The following ZNF70 variants were observed in gnomAD, a reference collection of about 807,000 sequenced individuals.
ZNF70 encodes zinc finger protein N27C7-1.
A neutral mutation model predicts 37.7 loss-of-function variants in ZNF70; 18 were observed. That is an observed-to-expected ratio of 0.48 (90% CI 0.33 to 0.71). The LOEUF is 0.71. ZNF70 is among the 30% of genes least tolerant of loss of function. The pLI, the probability that ZNF70 is intolerant of heterozygous loss-of-function variation, is 0.02. For synonymous variants in ZNF70, 219 were observed against 220.1 expected (o/e 0.99, Z 0.05); for missense variants, 506 against 568.6 (o/e 0.89, Z 1.12).
At chr22:23,748,546 A>ATTT (rs36067984) in intron 1 of ZNF70, among the ~76,000 whole-genome samples, 2 of 142,050 alleles carry the variant, frequency 1.4e-5, no homozygotes, top group East Asian at 2.1e-4. Flanking sequence ...AGCAGAAATG[A>ATTT]TTTTTTTTTT....
rs769770478 is a variant in ZNF70 at position 23,744,296 on chromosome 22, C to A, written c.845G>T (p.Cys282Phe). The stretch of plus-strand genomic sequence containing the variant: ...ACAAAAGGCTTTCCCACAGAGATCG[C>A]ACTCGTGAGGTTTCTTTAGGGTGTG... ...KIHTLKKPHE[C>F]DLCGKAFCHR... Residue 282 changes from cysteine (C) to phenylalanine (F), a missense_variant, in exon 2 of 2, where the codon TGC becomes TTC. Cys to Phe is a radical substitution (Grantham distance 205, BLOSUM62 -2). Transcript: ENST00000341976. The A allele has an allele frequency of 6.2e-7, 1 of 1,614,068 alleles. No homozygotes were observed. The highest frequency in any genetic ancestry group is 8.5e-7 in the Non-Finnish European group (1 of 1,180,008).
chr22:23,739,968 C>T lies in ZNF70; in HGVS notation c.*3832G>A, dbSNP rs142328137. On this transcript the variant is annotated 3_prime_UTR_variant, in exon 2 of 2. Transcript: ENST00000341976. ...CTTAATACTATAACAAAAAACACCA[C>T]GTCAAAACTTACGGAGTGCAGACAA... is the stretch of plus-strand genomic sequence containing the variant. The T allele has an allele frequency of 5.5e-4, 84 of 151,846 alleles. No homozygotes were observed. The highest frequency in any genetic ancestry group is 1.9e-3 in the African/African-American group (77 of 41,410). The allele number at this position is 151,846 out of a possible 1,614,324, so 9.4% of individuals were successfully genotyped here. A position where few individuals can be genotyped will look rare whatever the true frequency, so the allele number is the denominator to read the frequency against.
intron 1 of ZNF70, among the ~76,000 whole-genome samples, chr22:23,748,436 ATAT>A (rs1925205525): frequency 6.6e-6 from 1 of 152,052 alleles, no homozygotes; most frequent in African/African-American, 2.4e-5. Flanking sequence ...AGATGAGATA[ATAT>A]TATGTTGCCC....
rs1270457593 is a variant in ZNF70, at chr22:23,745,000, G to A, written c.141C>T (p.Ile47=). 4 of 1,614,006 alleles carry A rather than the reference G, an allele frequency of 2.5e-6. No individual in the cohort carries two copies. Among genetic ancestry groups the A allele is most frequent in the Non-Finnish European group, 3.4e-6 (4 of 1,180,032 alleles). ...QERGLEQMAV[I]YKEIPLGEQD... ...GCTCACCAAGAGGGATCTCCTTGTA[G>A]ATCACAGCCATTTGCTCCAAACCTC... The change falls in exon 2 of 2, where the codon ATC becomes ATT. Residue 47 remains isoleucine (I), a synonymous_variant. Transcript: ENST00000341976.
In ZNF70 at chr22:23,744,283, C is replaced by T. The variant is rs1925008609; in HGVS notation, c.858G>A (p.Gly286=). The T allele has an allele frequency of 6.2e-7, 1 of 1,613,886 alleles. No individual in the cohort carries two copies. The highest frequency in any genetic ancestry group is 8.5e-7 in the Non-Finnish European group (1 of 1,179,984). ...LKKPHECDLC[G]KAFCHRSHLI... is the part of the protein sequence containing the mutation. ...GGTGTGACCTGTGACAAAAGGCTTT[C>T]CCACAGAGATCGCACTCGTGAGGTT... is the stretch of plus-strand genomic sequence containing the variant. Residue 286 remains glycine (G), a synonymous_variant, in exon 2 of 2, where the codon GGG becomes GGA. Transcript: ENST00000341976.
Position 23,744,251 on chromosome 22 carries a change from C to T in ZNF70, c.890G>A (p.Arg297Gln), listed in dbSNP as rs201324895. ...KAFCHRSHLI[R>Q]HQRIHTGKKP... ...CTTCCCAGTGTGGATCCGCTGGTGT[C>T]GGATGAGGTGTGACCTGTGACAAAA... The change falls in exon 2 of 2, where the codon CGA becomes CAA. Residue 297 changes from arginine (R) to glutamine (Q), a missense_variant. Transcript: ENST00000341976. 2.1e-5 allele frequency: 34 copies of T among 1,612,716 alleles called. No homozygotes were observed. Among genetic ancestry groups the T allele is most frequent in the Non-Finnish European group, 2.9e-5 (34 of 1,179,682 alleles).
chr22:23,744,901 G>C lies in ZNF70; in HGVS notation c.240C>G (p.Pro80=), dbSNP rs1487453822. The C allele has an allele frequency of 1.9e-6, 3 of 1,614,204 alleles. No individual in the cohort carries two copies. Among genetic ancestry groups the C allele is most frequent in the South Asian group, 1.1e-5 (1 of 91,080 alleles). The part of the protein sequence containing the change: ...CSSPVQHQSI[P]PGTRPQDDEL... Reference sequence around the variant, plus strand: ...CATCATCCTGGGGTCTGGTTCCTGGGGGGATACTTTGATGCTGAACAGGGC... The same window carrying C: ...CATCATCCTGGGGTCTGGTTCCTGGCGGGATACTTTGATGCTGAACAGGGC... The change falls in exon 2 of 2, where the codon CCC becomes CCG. Residue 80 remains proline, a synonymous_variant. Transcript: ENST00000341976.
intron 1 of ZNF70, among the ~76,000 whole-genome samples, chr22:23,748,481 T>C (rs1925207283): frequency 1.3e-5 from 2 of 151,860 alleles, no homozygotes; most frequent in Admixed American, 1.3e-4. Flanking sequence ...GCTCAAGCAG[T>C]CCTCCCACCT....
At position 23,745,093 on chromosome 22, in the gene ZNF70, C is replaced by T; in HGVS notation, c.48G>A (p.Glu16=). 6.2e-7 allele frequency: 1 copy of T among 1,614,172 alleles called. No homozygotes were observed. ...ATKFGETFAF[E]NRLESQQGLF... ...GCCCTTGTTGTGACTCTAACCTGTT[C>T]TCAAATGCAAAGGTCTCACCAAACT... is the stretch of plus-strand genomic sequence containing the variant. The change falls in exon 2 of 2, where the codon GAG becomes GAA. Residue 16 remains glutamate (E), a synonymous_variant. Transcript: ENST00000341976.
At chr22:23,749,367 A>T (rs1925244552) in intron 1 of ZNF70, among the ~76,000 whole-genome samples, 2 of 136,500 alleles carry the variant, frequency 1.5e-5, no homozygotes, top group Admixed American at 1.5e-4. Context: ...AAAAAAAAAA[A>T]AAAAAAAAAA....
rs202233237 is a variant in ZNF70 at position 23,744,714 on chromosome 22, G to T, written c.427C>A (p.Arg143=). 9 of 1,614,098 alleles carry T rather than the reference G, an allele frequency of 5.6e-6. No individual in the cohort carries two copies. The highest frequency in any genetic ancestry group is 4.2e-6 in the Non-Finnish European group (5 of 1,180,054). ...TPQPAKPYAC[R]ECGKAFSQSS... ...TGGCTGAAGGCCTTCCCACACTCTC[G>T]ACACGCATAGGGCTTGGCTGGTTGT... The change falls in exon 2 of 2, where the codon CGA becomes AGA. Residue 143 remains arginine (R), a synonymous_variant. Coordinates refer to ENST00000341976, the MANE Select transcript of ZNF70 (RefSeq NM_021916.4).
At chr22:23,749,348 CAAAAAAAAAAAAA>C (rs757866335) in intron 1 of ZNF70, among the ~76,000 whole-genome samples, 6 of 14,352 alleles carry the variant, frequency 4.2e-4, no homozygotes, top group African/African-American at 7.5e-4. Context: ...GACTCCATCT[CAAAAAAAAAAAAA>C]AAAAAAAAAA....
At chr22:23,748,614 G>A (rs185625457) in intron 1 of ZNF70, among the ~76,000 whole-genome samples, 104 of 149,612 alleles carry the variant, frequency 7.0e-4, no homozygotes, top group Admixed American at 1.2e-3. Context: ...GCCCAATCTC[G>A]GCTCACTGCA....
Position 23,739,604 on chromosome 22 carries a change from T to C in ZNF70, c.*4196A>G, listed in dbSNP as rs1924815446. The C allele has an allele frequency of 6.7e-6, 1 of 150,244 alleles. No individual in the cohort carries two copies. Among genetic ancestry groups the C allele is most frequent in the South Asian group, 2.1e-4 (1 of 4,728 alleles). The allele number at this position is 150,244 out of a possible 1,614,324, so 9.3% of individuals were successfully genotyped here. ...CCCGGCTATTTTTTGTTTTTGTTGT[T>C]GTTGTTTTCCCCGAGATGGAGTCTT... is the stretch of plus-strand genomic sequence containing the variant. On this transcript the variant is annotated 3_prime_UTR_variant, in exon 2 of 2. Transcript: ENST00000341976.
chr22:23,748,283 A>G (rs1925201455), intron 1 of ZNF70, among the ~76,000 whole-genome samples: 1 of 152,016 alleles, frequency 6.6e-6, no homozygotes, highest in East Asian at 1.9e-4. Flanking sequence ...TCTGTCACCC[A>G]GGCTGGAGTG....
In ZNF70 at chr22:23,743,851, C is replaced by G; in HGVS notation, c.1290G>C (p.Gly430=). The change falls in exon 2 of 2, where the codon GGG becomes GGC. Residue 430 remains glycine (G), a synonymous_variant. Transcript: ENST00000341976. ...TCTGATGGCGAATCAGGTGCGAGCT[C>G]CCCCGGAAGGACTTGCCGCACAGAT... ...VCNLCGKSFR[G]SSHLIRHQKI... 4 of 1,614,208 alleles carry G rather than the reference C, an allele frequency of 2.5e-6. No homozygotes were observed. In the South Asian group the frequency reaches 4.4e-5, roughly 18 times the overall value.
At position 23,743,615 on chromosome 22, in the gene ZNF70, C is replaced by G. The variant is rs185155533; in HGVS notation, c.*185G>C. ...CCTTCCCTTCCATGCAGAAAACCTG[C>G]TGAGAGCTGGCGTGCTTGGCCCAGG... On this transcript the variant is annotated 3_prime_UTR_variant, in exon 2 of 2. Coordinates refer to ENST00000341976, the MANE Select transcript of ZNF70 (RefSeq NM_021916.4). 5 of 784,068 alleles carry G rather than the reference C, an allele frequency of 6.4e-6. No homozygotes were observed. The Admixed American group carries it at 1.3e-4, about 21-fold the overall frequency. 48.6% of individuals were successfully genotyped at this position (784,068 alleles called of 1,614,324 possible).
At position 23,744,699 on chromosome 22, in the gene ZNF70, C is replaced by T. The variant is rs1569134969; in HGVS notation, c.442G>A (p.Ala148Thr). The change falls in exon 2 of 2, where the codon GCC (alanine) becomes ACC (threonine). Residue 148 changes from alanine (A) to threonine (T), a missense_variant. Ala to Thr is a moderately conservative substitution (Grantham distance 58). Transcript: ENST00000341976. ...AGCAGGTGCGAGCTCTGGCTGAAGG[C>T]CTTCCCACACTCTCGACACGCATAG... ...KPYACRECGK[A>T]FSQSSHLLRH... is the part of the protein sequence containing the mutation. 1.9e-6 allele frequency: 3 copies of T among 1,614,202 alleles called. No individual in the cohort carries two copies. Among genetic ancestry groups the T allele is most frequent in the Admixed American group, 1.7e-5 (1 of 60,030 alleles).
intron 1 of ZNF70, among the ~76,000 whole-genome samples, chr22:23,749,252 G>A (rs968546994): frequency 6.7e-5 from 10 of 149,716 alleles, no homozygotes; most frequent in Non-Finnish European, 1.2e-4. Context: ...GGGAGGCTGA[G>A]GCAGGAGAAT....
Sources: gnomAD v4.1 joint callset for allele counts (sites outside exome capture counted in the v4.1 genomes callset) on GRCh38, gnomAD v4.1.1 for gene constraint, MANE v1.5 for transcripts, NCBI Gene and HGNC (gene_info 2026-07-23, HGNC 2026-07-21) for gene names.